The following RBFOX1 variants were observed in gnomAD, a reference collection of about 807,000 sequenced individuals.
RBFOX1 encodes the protein RNA binding protein fox-1 homolog 1.
A neutral mutation model predicts 57.7 loss-of-function variants in RBFOX1; 8 were observed. That is an observed-to-expected ratio of 0.14 (90% CI 0.08 to 0.25). The LOEUF is 0.25. Among genes scored for constraint, RBFOX1 ranks in the 10% least tolerant of loss-of-function variants. The pLI is 1.00. For missense variants in RBFOX1, 611 were observed against 548.5 expected (o/e 1.11, Z -1.14); for synonymous variants, 326 against 222.4 (o/e 1.47, Z -4.15).
chr16:6,260,825 T>C lies in RBFOX1; in HGVS notation c.-126-56170T>C, dbSNP rs540539130. 6.6e-5 allele frequency among the ~76,000 whole-genome samples: 10 copies of C among 152,016 alleles called. No homozygotes were observed. The South Asian group carries it at 1.7e-3, about 25-fold the overall frequency. On this transcript the variant is annotated intron_variant, in intron 1 of 15. Transcript: ENST00000550418. ...GAACCTGGGAGGCAGAGGTTGCAGT[T>C]AGGTGAGATTGTATGACTTCCTTCC...
intron 3 of RBFOX1, among the ~76,000 whole-genome samples, chr16:6,765,819 A>G (rs2077245913): frequency 6.6e-6 from 1 of 152,196 alleles, no homozygotes; most frequent in Non-Finnish European, 1.5e-5. Context: ...AGAATGAAAT[A>G]ATGTCTTTTG....
rs200613599 is a variant in RBFOX1, at chr16:7,029,223, C to CAT, written c.-15-22833_-15-22832insTA. ...GTATACGTATACGTATATATATACA[C>CAT]ACATATATATACGTATACGTATATA... On this transcript the variant is annotated intron_variant, in intron 3 of 15. Transcript: ENST00000550418. 9.2e-4 allele frequency among the ~76,000 whole-genome samples: 87 copies of CAT among 94,952 alleles called. 9 individuals carry two copies. Among genetic ancestry groups the CAT allele is most frequent in the African/African-American group, 5.4e-3 (80 of 14,850 alleles). 62.3% of individuals were successfully genotyped at this position (94,952 alleles called of 152,430 possible).
chr16:6,951,653 G>C (rs1289530129), intron 3 of RBFOX1, among the ~76,000 whole-genome samples: 3 of 152,072 alleles, frequency 2.0e-5, no homozygotes, highest in Non-Finnish European at 4.4e-5. Context: ...CGTAAGTATA[G>C]TATCACTTTT....
chr16:6,355,358 C>G (rs938975782), intron 2 of RBFOX1, among the ~76,000 whole-genome samples: 2 of 151,942 alleles, frequency 1.3e-5, no homozygotes, highest in Non-Finnish European at 2.9e-5. Flanking sequence ...TTGTTCAACT[C>G]CCACTTATGA....
chr16:5,966,990 T>C (rs1353768643), intron 4 of RBFOX1, among the ~76,000 whole-genome samples: 1 of 17,008 alleles, frequency 5.9e-5, no homozygotes, highest in Non-Finnish European at 1.3e-4. Flanking sequence ...TTGCACTAAA[T>C]CGGGGGGGGG....
At chr16:7,529,168 G>A (rs905868990) in intron 5 of RBFOX1, among the ~76,000 whole-genome samples, 3 of 152,194 alleles carry the variant, frequency 2.0e-5, no homozygotes, top group Non-Finnish European at 4.4e-5. Flanking sequence ...GGCTGAGGCA[G>A]AAGAATTGCT....
intron 2 of RBFOX1, among the ~76,000 whole-genome samples, chr16:6,653,999 G>C (rs948092154): frequency 2.0e-5 from 3 of 150,876 alleles, no homozygotes; most frequent in African/African-American, 7.3e-5. Flanking sequence ...ATGGATGGAT[G>C]GATGGATAGA....
At chr16:7,557,653 A>G (rs2089074537) in intron 5 of RBFOX1, among the ~76,000 whole-genome samples, 2 of 136,774 alleles carry the variant, frequency 1.5e-5, no homozygotes, top group Non-Finnish European at 3.3e-5. Context: ...GAAAAAGAAA[A>G]AAAAAAAGCA....
At chr16:5,998,764 C>T (rs996824313) in intron 4 of RBFOX1, among the ~76,000 whole-genome samples, 2 of 152,144 alleles carry the variant, frequency 1.3e-5, no homozygotes, top group African/African-American at 4.8e-5. Flanking sequence ...CATTTTTTCG[C>T]ATACTCCTTC....
intron 4 of RBFOX1, among the ~76,000 whole-genome samples, chr16:7,270,496 T>C (rs973206726): frequency 5.9e-5 from 9 of 152,182 alleles, no homozygotes; most frequent in African/African-American, 2.2e-4. Context: ...CACCTAACAA[T>C]GATAAGGGAA....
At chr16:6,667,083 T>A (rs1417652276) in intron 3 of RBFOX1, among the ~76,000 whole-genome samples, 2 of 152,186 alleles carry the variant, frequency 1.3e-5, no homozygotes, top group African/African-American at 4.8e-5. Context: ...CTCTTTCATT[T>A]ATTTTTGGGA....
intron 3 of RBFOX1, among the ~76,000 whole-genome samples, chr16:6,746,936 G>T (rs1355763726): frequency 2.0e-5 from 3 of 152,086 alleles, no homozygotes; most frequent in Non-Finnish European, 4.4e-5. Context: ...TTCAGCAGGT[G>T]TCTCACTTGG....
chr16:7,292,772 A>G (rs928444781), intron 4 of RBFOX1, among the ~76,000 whole-genome samples: 1 of 151,982 alleles, frequency 6.6e-6, no homozygotes, highest in East Asian at 1.9e-4. Flanking sequence ...ATTTTATCTG[A>G]TACGAGGTGA....
intron 4 of RBFOX1, among the ~76,000 whole-genome samples, chr16:7,183,742 G>A (rs1239906918): frequency 6.6e-6 from 1 of 152,192 alleles, no homozygotes; most frequent in East Asian, 1.9e-4. Context: ...CTTACTGTCA[G>A]AACAAAATTG....
At chr16:5,251,330 G>T (rs1400267509) in intron 1 of RBFOX1, among the ~76,000 whole-genome samples, 3 of 152,290 alleles carry the variant, frequency 2.0e-5, no homozygotes, top group Non-Finnish European at 4.4e-5. Flanking sequence ...TGAGGGTTCA[G>T]TGAGATCACT....
chr16:7,429,062 G>T (rs2098652597), intron 4 of RBFOX1, among the ~76,000 whole-genome samples: 1 of 152,128 alleles, frequency 6.6e-6, no homozygotes, highest in African/African-American at 2.4e-5. Context: ...CTGTCTTGTG[G>T]AAATGAATGT....
intron 3 of RBFOX1, among the ~76,000 whole-genome samples, chr16:6,947,394 T>C (rs1175978484): frequency 6.6e-6 from 1 of 152,204 alleles, no homozygotes; most frequent in Non-Finnish European, 1.5e-5. Flanking sequence ...CTCTCCCTGG[T>C]TTCCTAAGAG....
chr16:6,662,832 C>G (rs1722892494), intron 3 of RBFOX1, among the ~76,000 whole-genome samples: 1 of 152,078 alleles, frequency 6.6e-6, no homozygotes, highest in African/African-American at 2.4e-5. Flanking sequence ...TCTTTCTGCT[C>G]TTTCTGTTTA....
At chr16:5,615,736 A>C (rs1181734893) in intron 3 of RBFOX1, among the ~76,000 whole-genome samples, 3 of 152,220 alleles carry the variant, frequency 2.0e-5, no homozygotes, top group African/African-American at 7.2e-5. Context: ...GCCTGGATCA[A>C]CTTGGGGGAC....
Sources: gnomAD v4.1 joint callset for allele counts (sites outside exome capture counted in the v4.1 genomes callset) on GRCh38, gnomAD v4.1.1 for gene constraint, MANE v1.5 for transcripts, NCBI Gene and HGNC (gene_info 2026-07-23, HGNC 2026-07-21) for gene names.